Variants in NUP98 observed in about 807,000 individuals in gnomAD.
NUP98 encodes nucleoporin 98 and 96 precursor, also known as nuclear pore complex protein Nup98-Nup96.
A neutral mutation model predicts 191.9 loss-of-function variants in NUP98; 26 were observed. That is an observed-to-expected ratio of 0.14 (90% CI 0.10 to 0.19). The LOEUF is 0.19. NUP98 is among the 10% of genes least tolerant of loss of function. The pLI is 1.00. For synonymous variants in NUP98, 808 were observed against 778.4 expected, an observed-to-expected ratio of 1.04 and a Z score of -0.63; for missense variants, 1,941 against 2,178.8, an observed-to-expected ratio of 0.89 and a Z score of 2.17.
At chr11:3,707,969 C>T (rs747729308) in intron 20 of NUP98, among the ~76,000 whole-genome samples, 21 of 151,934 alleles carry the variant, frequency 1.4e-4, no homozygotes, top group East Asian at 3.9e-4. Flanking sequence ...GGTGTGGTGG[C>T]GTGTGCCTGT....
chr11:3,706,342 C>A (rs183558787), intron 21 of NUP98, 103 bp downstream of exon 21: 13 of 1,031,440 alleles, frequency 1.3e-5, no homozygotes, highest in African/African-American at 6.4e-5. Context: ...TTACAGTGAG[C>A]ACTCAATGAT....
rs147692854 is a variant in NUP98, at chr11:3,699,199, T to C, written c.3892A>G (p.Thr1298Ala). The C allele has an allele frequency of 5.9e-5, 96 of 1,614,080 alleles. No homozygotes were observed. Among genetic ancestry groups the C allele is most frequent in the African/African-American group, 5.7e-4 (43 of 74,944 alleles). Reference protein sequence around the residue: ...AFSRWLSCTATPQIEEEVSLT... With the variant: ...AFSRWLSCTAAPQIEEEVSLT... ...GAGACTTCCTCTTCAATCTGAGGTGTGGCAGTACAGGATAGCCAGCGGGAG... is the reference window on the plus strand; with the variant it reads ...GAGACTTCCTCTTCAATCTGAGGTGCGGCAGTACAGGATAGCCAGCGGGAG... The change falls in exon 25 of 33, where the codon ACA becomes GCA. Residue 1298 changes from threonine to alanine, a missense_variant. By Grantham distance (58) the Thr-to-Ala change is moderately conservative. Coordinates refer to ENST00000324932, the MANE Select transcript of NUP98 (RefSeq NM_016320.5).
At chr11:3,751,080 C>T (rs2080731540) in intron 11 of NUP98, among the ~76,000 whole-genome samples, 1 of 151,950 alleles carries the variant, frequency 6.6e-6, no homozygotes, top group East Asian at 1.9e-4. Flanking sequence ...AATCCCAGGC[C>T]GGGCACGATG....
rs1461420972 is a variant in NUP98, at chr11:3,723,141, C to A, written c.2146+16G>T. On this transcript the variant is annotated intron_variant, in intron 16 of 32. Coordinates refer to ENST00000324932, the MANE Select transcript of NUP98 (RefSeq NM_016320.5). Reference sequence around the variant, plus strand: ...TGACTGGTAAGAGATTAAACATGCACCAATCTGAACCTGACCTGCTGGGTG... The same window carrying A: ...TGACTGGTAAGAGATTAAACATGCAACAATCTGAACCTGACCTGCTGGGTG... 1.2e-6 allele frequency: 2 copies of A among 1,610,384 alleles called. No homozygotes were observed. Among genetic ancestry groups the A allele is most frequent in the Non-Finnish European group, 1.7e-6 (2 of 1,177,448 alleles).
intron 18 of NUP98, among the ~76,000 whole-genome samples, chr11:3,715,382 C>G (rs1254599170): frequency 1.3e-5 from 2 of 151,990 alleles, no homozygotes; most frequent in African/African-American, 4.8e-5. Context: ...ATCCACCTGC[C>G]TCGGCCTCCC....
chr11:3,755,958 A>T (rs1289346695), intron 10 of NUP98, among the ~76,000 whole-genome samples: 1 of 152,166 alleles, frequency 6.6e-6, no homozygotes, highest in Non-Finnish European at 1.5e-5. Context: ...GAAAGACTCC[A>T]TCTCGAAAAA....
At chr11:3,771,710 T>C in intron 7 of NUP98, 38 bp downstream of exon 7, 1 of 1,568,946 alleles carries the variant, frequency 6.4e-7, no homozygotes, top group Non-Finnish European at 8.8e-7. Flanking sequence ...GTTATCTGTC[T>C]CTCCTCAGTA....
At chr11:3,761,556 G>A (rs970752295) in intron 9 of NUP98, among the ~76,000 whole-genome samples, 79 of 152,228 alleles carry the variant, frequency 5.2e-4, no homozygotes, top group African/African-American at 1.7e-3. Flanking sequence ...TCAGGAGTTC[G>A]AGACCAGCCT....
chr11:3,761,745 C>A lies in NUP98; in HGVS notation c.1087-1119G>T, dbSNP rs545355883. On this transcript the variant is annotated intron_variant, in intron 9 of 32. Transcript: ENST00000324932. Reference sequence around the variant, plus strand: ...ACTGTACTCCAGCCTGGGCAACAGGCGAGACTCCGTCTCAAAAAAACAAAA... The same window carrying A: ...ACTGTACTCCAGCCTGGGCAACAGGAGAGACTCCGTCTCAAAAAAACAAAA... 2.4e-3 allele frequency among the ~76,000 whole-genome samples: 371 copies of A among 151,804 alleles called. 1 individual carries two copies. Among genetic ancestry groups the A allele is most frequent in the African/African-American group, 8.7e-3 (361 of 41,424 alleles).
At chr11:3,725,032 T>C in intron 15 of NUP98, 71 bp downstream of exon 15, 4 of 690,256 alleles carry the variant, frequency 5.8e-6, no homozygotes, top group Non-Finnish European at 7.5e-6. Flanking sequence ...TTTTCATAAA[T>C]TCCTAAGAAT....
intron 5 of NUP98, 24 bp downstream of exon 5, chr11:3,775,858 C>G (rs1218887482): frequency 6.2e-7 from 1 of 1,600,364 alleles, no homozygotes; most frequent in African/African-American, 1.3e-5. Flanking sequence ...AAACATTCCA[C>G]AAAGATTGGA....
chr11:3,729,310 C>T (rs2079741282), intron 14 of NUP98, among the ~76,000 whole-genome samples: 1 of 151,738 alleles, frequency 6.6e-6, no homozygotes, highest in South Asian at 2.1e-4. Context: ...GAAGCAGCAA[C>T]CAGCAAGGCA....
chr11:3,711,620 G>A (rs2079024852), intron 20 of NUP98: 1 of 169,208 alleles, frequency 5.9e-6, no homozygotes, highest in Non-Finnish European at 1.3e-5. Context: ...AGGAAAGAAG[G>A]AGATGATACA....
In NUP98 at chr11:3,764,831, G is replaced by A. The variant is rs186529724; in HGVS notation, c.949-1792C>T. 1.9e-4 allele frequency among the ~76,000 whole-genome samples: 29 copies of A among 152,332 alleles called. No individual in the cohort carries two copies. In the East Asian group the frequency reaches 5.6e-3, roughly 29 times the overall value. On this transcript the variant is annotated intron_variant, in intron 8 of 32. Coordinates refer to ENST00000324932, the MANE Select transcript of NUP98 (RefSeq NM_016320.5). ...CTGACCTCGTGATCTGCCTGCCTCG[G>A]CTTCCCAAAGTGCTGGGATTAAAGG...
chr11:3,744,739 G>A, intron 11 of NUP98, 90 bp from the exon 12 acceptor site: 1 of 1,434,036 alleles, frequency 7.0e-7, no homozygotes, highest in Non-Finnish European at 9.4e-7. Context: ...TAATACATTT[G>A]GAAACTTCAT....
At chr11:3,741,233 C>A (rs983585956) in intron 12 of NUP98, among the ~76,000 whole-genome samples, 1 of 151,970 alleles carries the variant, frequency 6.6e-6, no homozygotes, top group African/African-American at 2.4e-5. Flanking sequence ...AAATTTTATC[C>A]CAACTGAGTT....
rs55784315 is a variant in NUP98, at chr11:3,707,973, T to C, written c.2743-1346A>G. On this transcript the variant is annotated intron_variant, in intron 20 of 32. Coordinates refer to ENST00000324932, the MANE Select transcript of NUP98 (RefSeq NM_016320.5). ...AAAATTAGCCAGGTGTGGTGGCGTG[T>C]GCCTGTACTCCCAGTTACTTAGGAG... 6.0e-3 allele frequency among the ~76,000 whole-genome samples: 916 copies of C among 152,042 alleles called. 8 individuals carry two copies. Among genetic ancestry groups the C allele is most frequent in the Middle Eastern group, 0.01 (3 of 292 alleles).
intron 11 of NUP98, among the ~76,000 whole-genome samples, chr11:3,746,424 T>C (rs187057028): frequency 7.2e-5 from 11 of 151,910 alleles, no homozygotes; most frequent in African/African-American, 1.9e-4. Flanking sequence ...AACTACAGAA[T>C]TGTTTATTTT....
chr11:3,759,729 G>A (rs963045499), intron 10 of NUP98, among the ~76,000 whole-genome samples: 1 of 152,048 alleles, frequency 6.6e-6, no homozygotes, highest in African/African-American at 2.4e-5. Flanking sequence ...TTTCAACAAT[G>A]AATATACATA....
Sources: gnomAD v4.1 joint callset for allele counts (sites outside exome capture counted in the v4.1 genomes callset) on GRCh38, gnomAD v4.1.1 for gene constraint, MANE v1.5 for transcripts, NCBI Gene and HGNC (gene_info 2026-07-23, HGNC 2026-07-21) for gene names.